The following UBE2F variants were observed in gnomAD, a reference collection of about 807,000 sequenced individuals.
UBE2F encodes ubiquitin conjugating enzyme E2 F (putative).
A neutral mutation model predicts 29.6 loss-of-function variants in UBE2F; 5 were observed. The ratio of observed to expected loss-of-function variants is 0.17; its 90% CI spans 0.09 to 0.36. UBE2F has a LOEUF of 0.36. UBE2F is among the 10% of genes least tolerant of loss of function. The pLI is 1.00. For missense variants in UBE2F, 141 were observed against 228.5 expected (o/e 0.62, Z 2.47); for synonymous variants, 66 against 81.8 (o/e 0.81, Z 1.04).
chr2:238,020,471 A>T (rs1170329103), intron 5 of UBE2F, among the ~76,000 whole-genome samples: 1 of 152,186 alleles, frequency 6.6e-6, no homozygotes, highest in East Asian at 1.9e-4. Context: ...CTCAGGGTGC[A>T]TCTGCTTCAC....
At chr2:238,032,168 A>G in intron 7 of UBE2F, 54 bp from the exon 8 acceptor site, 5 of 1,446,496 alleles carry the variant, frequency 3.5e-6, no homozygotes, top group Admixed American at 3.4e-5. Context: ...TGGGTTTAAA[A>G]GACTAGGTGC....
intron 1 of UBE2F, among the ~76,000 whole-genome samples, chr2:237,972,758 G>A (rs998244090): frequency 1.3e-5 from 2 of 151,756 alleles, no homozygotes; most frequent in African/African-American, 4.8e-5. Flanking sequence ...TTGCCATGTT[G>A]CCCAGGCTGG....
Position 237,967,047 on chromosome 2 carries a change from T to C in UBE2F, c.-102T>C, listed in dbSNP as rs1373261869. On this transcript the variant is annotated 5_prime_UTR_variant, in exon 1 of 10. Transcript: ENST00000272930. This position sits in a 1 kb window ranked among gnomAD's most constrained non-coding sequence, Gnocchi z 6.3. The stretch of plus-strand genomic sequence containing the variant: ...TCCCGCCGCCGGGAGCCGGTGCGGC[T>C]GTGAGGGGCCGCGTCTCGCAGCAGC... 2.7e-5 allele frequency: 36 copies of C among 1,310,200 alleles called. No individual in the cohort carries two copies. Among genetic ancestry groups the C allele is most frequent in the Non-Finnish European group, 3.5e-5 (36 of 1,029,644 alleles). 81.2% of individuals were successfully genotyped at this position (1,310,200 alleles called of 1,614,324 possible).
intron 4 of UBE2F, among the ~76,000 whole-genome samples, chr2:238,009,731 TCTC>T (rs1249395973): frequency 6.6e-6 from 1 of 152,170 alleles, no homozygotes; most frequent in Admixed American, 6.5e-5. Context: ...CACTTCCTCT[TCTC>T]CACCATCTGT....
At chr2:238,028,505 G>T (rs1164164413) in intron 6 of UBE2F, among the ~76,000 whole-genome samples, 1 of 152,238 alleles carries the variant, frequency 6.6e-6, no homozygotes, top group Non-Finnish European at 1.5e-5. Context: ...ACTAGGATTT[G>T]ACTTCATTCC....
At chr2:238,023,876 A>G (rs2064351705) in intron 5 of UBE2F, among the ~76,000 whole-genome samples, 1 of 152,116 alleles carries the variant, frequency 6.6e-6, no homozygotes, top group African/African-American at 2.4e-5. Flanking sequence ...AGGGTTTATG[A>G]CCAGCAGATC....
intron 7 of UBE2F, 78 bp from the exon 8 acceptor site, chr2:238,032,144 A>G (rs1041861269): frequency 4.4e-6 from 5 of 1,137,212 alleles, no homozygotes; most frequent in South Asian, 1.3e-5. Context: ...AGTGCAAAGC[A>G]TATTTCTTGA....
chr2:238,008,326 G>T (rs1216040868), intron 4 of UBE2F, among the ~76,000 whole-genome samples: 1 of 152,154 alleles, frequency 6.6e-6, no homozygotes, highest in Non-Finnish European at 1.5e-5. Context: ...TTGTTTTGTT[G>T]TGGTAAGATT....
intron 7 of UBE2F, 43 bp from the exon 8 acceptor site, chr2:238,032,179 A>G (rs553548406): frequency 6.4e-7 from 1 of 1,554,070 alleles, no homozygotes; most frequent in South Asian, 1.1e-5. Flanking sequence ...GACTAGGTGC[A>G]CTTTGGCTTA....
At chr2:238,005,544 G>T (rs1470289576) in intron 4 of UBE2F, among the ~76,000 whole-genome samples, 3 of 151,810 alleles carry the variant, frequency 2.0e-5, no homozygotes, top group Admixed American at 6.6e-5. Context: ...TTATGGTTAG[G>T]TCTGTGATCC....
At chr2:237,978,956 T>C (rs1242136310) in intron 2 of UBE2F, among the ~76,000 whole-genome samples, 1 of 152,186 alleles carries the variant, frequency 6.6e-6, no homozygotes, top group Admixed American at 6.5e-5. Flanking sequence ...TGGCACTGTT[T>C]CCATCTAATA....
chr2:237,972,106 C>G (rs79845913), intron 1 of UBE2F, among the ~76,000 whole-genome samples: 2,600 of 152,286 alleles, frequency 0.017, 72 homozygotes, highest in African/African-American at 0.06. Flanking sequence ...ACATAATCTA[C>G]TTTGGGACAT....
intron 4 of UBE2F, among the ~76,000 whole-genome samples, chr2:238,000,524 A>G (rs961694967): frequency 9.2e-5 from 14 of 152,216 alleles, no homozygotes; most frequent in East Asian, 3.8e-4. Flanking sequence ...ATTGTATTCT[A>G]TTGTATGGAC....
chr2:238,009,971 T>C (rs112478830), intron 4 of UBE2F, among the ~76,000 whole-genome samples: 1,886 of 152,304 alleles, frequency 0.012, 47 homozygotes, highest in African/African-American at 0.043. Flanking sequence ...TGTTTTTTTG[T>C]TTATTTTGAT....
intron 8 of UBE2F, among the ~76,000 whole-genome samples, chr2:238,033,631 C>T (rs1411234365): frequency 6.6e-6 from 1 of 152,216 alleles, no homozygotes; most frequent in Admixed American, 6.5e-5. Context: ...AAAGCAGAGC[C>T]TCAAACTAAA....
At chr2:238,025,503 T>C in intron 6 of UBE2F, 91 bp downstream of exon 6, 3 of 1,219,588 alleles carry the variant, frequency 2.5e-6, no homozygotes, top group East Asian at 2.6e-5. Context: ...TGAAAAGATT[T>C]TGAGGCATGG....
chr2:238,013,140 C>T (rs576404011), intron 4 of UBE2F, among the ~76,000 whole-genome samples: 1 of 152,028 alleles, frequency 6.6e-6, no homozygotes, highest in Admixed American at 6.5e-5. Context: ...CGTGGTGGCA[C>T]ACACCTGTAG....
intron 2 of UBE2F, among the ~76,000 whole-genome samples, chr2:237,979,033 A>G (rs2063334583): frequency 6.6e-6 from 1 of 152,172 alleles, no homozygotes. Context: ...GTGCCAGCAT[A>G]CAGTTAGTGA....
chr2:238,026,571 C>T (rs1243282388), intron 6 of UBE2F, among the ~76,000 whole-genome samples: 1 of 152,116 alleles, frequency 6.6e-6, no homozygotes, highest in East Asian at 1.9e-4. Flanking sequence ...GTAGCTGGGA[C>T]TACAGGCGCC....
Sources: gnomAD v4.1 joint callset for allele counts (sites outside exome capture counted in the v4.1 genomes callset) on GRCh38, gnomAD v4.1.1 for gene constraint, Gnocchi (gnomAD v3.1) non-coding constraint, MANE v1.5 for transcripts, NCBI Gene and HGNC (gene_info 2026-07-23, HGNC 2026-07-21) for gene names.